The following ACYP2 variants were observed in gnomAD, a reference collection of about 807,000 sequenced individuals.
ACYP2 encodes the protein acylphosphatase 2.
A neutral mutation model predicts 11.2 loss-of-function variants in ACYP2; 12 were observed. The observed-to-expected ratio is 1.08, with a 90% CI of 0.69 to 1.74. The LOEUF is 1.74. ACYP2 is among the 40% of genes most tolerant of loss of function. The pLI, the probability that ACYP2 is intolerant of heterozygous loss-of-function variation, is 0.00. For synonymous variants in ACYP2, 43 were observed against 32.2 expected (o/e 1.33, Z -1.13); for missense variants, 134 against 101.9 (o/e 1.31, Z -1.35).
chr2:54,228,402 G>A (rs1268864132), intron 6 of ACYP2, among the ~76,000 whole-genome samples: 1 of 152,324 alleles, frequency 6.6e-6, no homozygotes, highest in East Asian at 1.9e-4. Context: ...TGTAAGGCAG[G>A]TAGTGTCTTT....
At chr2:54,121,653 C>G (rs1680164700) in intron 4 of ACYP2, among the ~76,000 whole-genome samples, 1 of 152,210 alleles carries the variant, frequency 6.6e-6, no homozygotes, top group South Asian at 2.1e-4. Flanking sequence ...TAAGTACCAC[C>G]ATTAAAGTCA....
chr2:54,207,288 A>T (rs928404304), intron 6 of ACYP2, among the ~76,000 whole-genome samples: 6 of 151,504 alleles, frequency 4.0e-5, no homozygotes, highest in Admixed American at 1.3e-4. Flanking sequence ...GCAGGCTAGA[A>T]ATTCAAGTAA....
chr2:54,065,088 TAA>T (rs1676673469), intron 4 of ACYP2, among the ~76,000 whole-genome samples: 1 of 47,988 alleles, frequency 2.1e-5, no homozygotes, highest in African/African-American at 7.3e-5. Context: ...CATCTCTAAA[TAA>T]ATAAATAAAT....
intron 4 of ACYP2, among the ~76,000 whole-genome samples, chr2:54,067,453 A>G (rs1031698985): frequency 3.9e-5 from 6 of 152,206 alleles, no homozygotes; most frequent in Non-Finnish European, 8.8e-5. Flanking sequence ...GCTTAACACC[A>G]TTTATGGAAA....
At chr2:54,115,378 C>T in intron 4 of ACYP2, 4 of 554,278 alleles carry the variant, frequency 7.2e-6, no homozygotes, top group Non-Finnish European at 1.2e-5. Flanking sequence ...TATTTACTAA[C>T]TTTGAGAACA....
rs189189576 is a variant in ACYP2 at position 54,165,102 on chromosome 2, A to G, written c.404+26354A>G. 2.6e-3 allele frequency among the ~76,000 whole-genome samples: 396 copies of G among 152,164 alleles called. 2 individuals carry two copies. Among genetic ancestry groups the G allele is most frequent in the African/African-American group, 9.1e-3 (376 of 41,528 alleles). ...ATATGTGCTATATTTTTTTTTATCCAGTCTCTTATTGATGGGCATTTGGGT... is the reference window on the plus strand; with the variant it reads ...ATATGTGCTATATTTTTTTTTATCCGGTCTCTTATTGATGGGCATTTGGGT... On this transcript the variant is annotated intron_variant, in intron 6 of 6. Coordinates refer to ENST00000607452, the MANE Select transcript of ACYP2 (RefSeq NM_001320586.2).
At chr2:54,251,418 A>C (rs1419071616) in intron 6 of ACYP2, among the ~76,000 whole-genome samples, 1 of 152,226 alleles carries the variant, frequency 6.6e-6, no homozygotes. Context: ...AAGAATATTA[A>C]AGTACAATAT....
intron 4 of ACYP2, among the ~76,000 whole-genome samples, chr2:54,090,411 A>G (rs908409453): frequency 1.3e-5 from 2 of 152,010 alleles, no homozygotes; most frequent in Non-Finnish European, 2.9e-5. Flanking sequence ...TGGGCAGATC[A>G]CGAGGTAAGG....
intron 4 of ACYP2, among the ~76,000 whole-genome samples, chr2:54,119,317 A>C (rs1572797174): frequency 6.6e-6 from 1 of 152,020 alleles, no homozygotes; most frequent in African/African-American, 2.4e-5. Context: ...TCGGCCTCAC[A>C]AAGTTCTGGC....
chr2:54,255,205 C>T, intron 6 of ACYP2: 1 of 1,614,212 alleles, frequency 6.2e-7, no homozygotes. Context: ...GCCGAAGGAT[C>T]TGACCTCATA....
At chr2:54,255,055 G>C (rs1320006688) in intron 6 of ACYP2, 1 of 1,614,142 alleles carries the variant, frequency 6.2e-7, no homozygotes, top group Non-Finnish European at 8.5e-7. Flanking sequence ...AATAATCTGA[G>C]CAATCCTGTC....
chr2:54,084,582 G>A (rs1462725046), intron 4 of ACYP2: 3 of 152,216 alleles, frequency 2.0e-5, no homozygotes, highest in African/African-American at 4.8e-5. Context: ...ATGAGCCACT[G>A]TGCTCAGCCT....
chr2:54,174,493 T>G (rs1365505184), intron 6 of ACYP2, among the ~76,000 whole-genome samples: 1 of 152,178 alleles, frequency 6.6e-6, no homozygotes, highest in African/African-American at 2.4e-5. Context: ...GACTTCCTCT[T>G]TTCCTAATTG....
intron 4 of ACYP2, among the ~76,000 whole-genome samples, chr2:54,134,964 G>A (rs193211602): frequency 7.8e-4 from 119 of 152,286 alleles, no homozygotes; most frequent in African/African-American, 2.0e-3. Flanking sequence ...TCTTAGCAGC[G>A]TCAGCATACA....
intron 2 of ACYP2, among the ~76,000 whole-genome samples, chr2:54,022,470 C>A (rs1054246243): frequency 8.5e-5 from 13 of 152,242 alleles, no homozygotes; most frequent in African/African-American, 2.6e-4. Flanking sequence ...CAGCCTTGAA[C>A]TTCTGGGCTC....
At chr2:54,251,083 C>T (rs1687203066) in intron 6 of ACYP2, among the ~76,000 whole-genome samples, 1 of 152,144 alleles carries the variant, frequency 6.6e-6, no homozygotes, top group Non-Finnish European at 1.5e-5. Context: ...AATGAACCAT[C>T]ATGAGCCATT....
chr2:54,141,240 A>G (rs1681582037), intron 6 of ACYP2, among the ~76,000 whole-genome samples: 1 of 152,176 alleles, frequency 6.6e-6, no homozygotes, highest in African/African-American at 2.4e-5. Flanking sequence ...TCCCAAATCT[A>G]TAATTTGCCT....
chr2:54,271,194 G>A (rs1008309766), intron 6 of ACYP2, among the ~76,000 whole-genome samples: 3 of 152,132 alleles, frequency 2.0e-5, no homozygotes, highest in Admixed American at 6.5e-5. Flanking sequence ...CTCCTTGTCC[G>A]GGACTGAAGC....
At chr2:54,068,883 A>G (rs1040252813) in intron 4 of ACYP2, among the ~76,000 whole-genome samples, 1 of 151,986 alleles carries the variant, frequency 6.6e-6, no homozygotes, top group African/African-American at 2.4e-5. Context: ...TCTTTTCATT[A>G]AATTAAATTA....
Sources: allele counts gnomAD v4.1 joint callset (sites outside exome capture counted in the v4.1 genomes callset), GRCh38; gene constraint gnomAD v4.1.1; transcripts MANE v1.5; gene names NCBI Gene and HGNC (gene_info 2026-07-23, HGNC 2026-07-21).